CHD1L: variants seen among roughly 807,000 people sequenced by gnomAD.
CHD1L encodes the protein ATP-dependent chromatin remodeler CHD1L.
Under a neutral mutation model 115.9 loss-of-function variants are expected in CHD1L, and 118 were observed. The observed-to-expected ratio is 1.02, with a 90% CI of 0.88 to 1.19. The LOEUF is 1.19. Among genes scored for constraint, CHD1L ranks in the 50% most tolerant of loss-of-function variants. CHD1L has a pLI of 0.00. For synonymous variants in CHD1L, 411 were observed against 387.1 expected (o/e 1.06, Z -0.72); for missense variants, 1,179 against 1,065.3 (o/e 1.11, Z -1.49).
Position 147,276,312 on chromosome 1 carries a change from G to A in CHD1L, c.1539+55G>A, listed in dbSNP as rs1678458290. 8 of 1,570,380 alleles carry A rather than the reference G, an allele frequency of 5.1e-6. No homozygotes were observed. In the Admixed American group the frequency reaches 7.2e-5, roughly 14 times the overall value. Reference sequence around the variant, plus strand: ...GGAATATACCAATACCCTTTGTGGAGGAGAATGTAAATGAAAAGAACCAGC... The same window carrying A: ...GGAATATACCAATACCCTTTGTGGAAGAGAATGTAAATGAAAAGAACCAGC... On this transcript the variant is annotated intron_variant, in intron 14 of 22. Coordinates refer to ENST00000369258, the MANE Select transcript of CHD1L (RefSeq NM_004284.6).
the CHD1L span, among the ~76,000 whole-genome samples, chr1:147,237,601 G>T: frequency 2.6e-5 from 4 of 152,156 alleles, no homozygotes; most frequent in African/African-American, 9.7e-5. Context: ...CCATGGAGCT[G>T]GCAGCCCTGG....
intron 15 of CHD1L, among the ~76,000 whole-genome samples, chr1:147,282,703 A>G (rs1175824602): frequency 2.0e-5 from 3 of 152,230 alleles, no homozygotes; most frequent in Non-Finnish European, 4.4e-5. Flanking sequence ...CAACACACTC[A>G]GTTCTGTACT....
chr1:147,186,636 C>T, the CHD1L span: 12 of 1,240,724 alleles, frequency 9.7e-6, no homozygotes, highest in Non-Finnish European at 1.2e-5. Context: ...TAAAGACATA[C>T]AAAGATGACT....
At chr1:147,289,848 GTTTCGT>G (rs1179002911) in intron 19 of CHD1L, among the ~76,000 whole-genome samples, 2 of 152,178 alleles carry the variant, frequency 1.3e-5, no homozygotes, top group African/African-American at 4.8e-5. Context: ...ATAGAGGAGA[GTTTCGT>G]TTTCATCAGC....
the CHD1L span, among the ~76,000 whole-genome samples, chr1:147,199,356 C>T: frequency 1.3e-5 from 2 of 152,052 alleles, no homozygotes; most frequent in Non-Finnish European, 2.9e-5. Flanking sequence ...AATAAAAAAC[C>T]CAGAGTTCCT....
chr1:147,201,042 A>C, the CHD1L span: 2 of 764,636 alleles, frequency 2.6e-6, no homozygotes, highest in East Asian at 5.0e-5. Context: ...ACTTTGTGCT[A>C]GGCACTGTTG....
At chr1:147,235,709 G>A in the CHD1L span, among the ~76,000 whole-genome samples, 65 of 152,260 alleles carry the variant, frequency 4.3e-4, no homozygotes, top group South Asian at 0.011. Context: ...GAAGAAGAAG[G>A]TCATAGAGAG....
At chr1:147,237,330 C>G in the CHD1L span, among the ~76,000 whole-genome samples, 1 of 151,878 alleles carries the variant, frequency 6.6e-6, no homozygotes, top group Non-Finnish European at 1.5e-5. Flanking sequence ...GCAGCTATAG[C>G]TGCACCCAGG....
At chr1:147,201,548 G>T in the CHD1L span, 3 of 1,490,906 alleles carry the variant, frequency 2.0e-6, no homozygotes, top group Admixed American at 5.3e-5. Flanking sequence ...GAGAGAAAGA[G>T]AAATCAGTAC....
intron 9 of CHD1L, among the ~76,000 whole-genome samples, chr1:147,268,294 G>A (rs587696567): frequency 6.6e-6 from 1 of 152,252 alleles, no homozygotes; most frequent in African/African-American, 2.4e-5. Flanking sequence ...AAGCACTCCT[G>A]TGGCCATGGA....
chr1:147,264,607 A>G (rs1353407470), intron 7 of CHD1L, 23 bp downstream of exon 7: 1 of 1,610,388 alleles, frequency 6.2e-7, no homozygotes, highest in East Asian at 2.2e-5. Context: ...CCTGCAAATC[A>G]TCCCCAAGAA....
At chr1:147,290,592 G>A (rs587686825) in intron 19 of CHD1L, among the ~76,000 whole-genome samples, 1 of 152,234 alleles carries the variant, frequency 6.6e-6, no homozygotes, top group East Asian at 1.9e-4. Flanking sequence ...GATAGTTCTT[G>A]TTATCAGACG....
chr1:147,286,979 C>CCT (rs796894286), intron 18 of CHD1L, among the ~76,000 whole-genome samples: 81,979 of 151,794 alleles, frequency 0.54, 24,213 homozygotes, highest in African/African-American at 0.8. Context: ...CCCCATCCCC[C>CCT]CTGTTATTCT....
At chr1:147,265,801 GATCAT>G in intron 7 of CHD1L, 126 bp from the exon 8 acceptor site, 1 of 684,688 alleles carries the variant, frequency 1.5e-6, no homozygotes, top group Non-Finnish European at 2.2e-6. Context: ...ATAAAAAAAT[GATCAT>G]ACTGGCCTAG....
chr1:147,198,694 C>T, the CHD1L span, among the ~76,000 whole-genome samples: 1 of 151,352 alleles, frequency 6.6e-6, no homozygotes, highest in Non-Finnish European at 1.5e-5. Flanking sequence ...ATTAAAAACA[C>T]AAAAAAACTA....
At chr1:147,284,565 T>C (rs1278945576) in intron 16 of CHD1L, 66 bp downstream of exon 16, 4 of 996,452 alleles carry the variant, frequency 4.0e-6, no homozygotes, top group Non-Finnish European at 5.7e-6. Context: ...AACAAAAAAA[T>C]GATGCTGGCA....
intron 19 of CHD1L, among the ~76,000 whole-genome samples, chr1:147,288,350 A>AAAAG (rs1684211371): frequency 2.0e-5 from 3 of 148,558 alleles, no homozygotes; most frequent in African/African-American, 5.0e-5. Context: ...AAAAAAAGAA[A>AAAAG]AAGAGAACTA....
At chr1:147,250,203 A>T (rs1667975850) in intron 1 of CHD1L, among the ~76,000 whole-genome samples, 1 of 152,018 alleles carries the variant, frequency 6.6e-6, no homozygotes, top group Non-Finnish European at 1.5e-5. Context: ...TTGTCAGATA[A>T]TTCTACCGTC....
chr1:147,253,582 C>T (rs1388814945), intron 2 of CHD1L, among the ~76,000 whole-genome samples: 1 of 152,208 alleles, frequency 6.6e-6, no homozygotes, highest in Non-Finnish European at 1.5e-5. Context: ...TGGCTCACTG[C>T]AACCTCTGCC....
Sources: gnomAD v4.1 joint callset for allele counts (sites outside exome capture counted in the v4.1 genomes callset) on GRCh38, gnomAD v4.1.1 for gene constraint, MANE v1.5 for transcripts, NCBI Gene and HGNC (gene_info 2026-07-23, HGNC 2026-07-21) for gene names.